Variants in ARHGAP24 observed in about 807,000 individuals in gnomAD.
ARHGAP24 encodes the protein rho GTPase-activating protein 24.
In ARHGAP24, 50 loss-of-function variants were observed where a neutral mutation model predicts 76.4. That is an observed-to-expected ratio of 0.65 (90% CI 0.52 to 0.83). The LOEUF (loss-of-function observed/expected upper bound fraction) is 0.83. Ranked by LOEUF, ARHGAP24 falls within the 40% of genes least tolerant of loss-of-function variation. The pLI is 0.00. For synonymous variants in ARHGAP24, 345 were observed against 323.3 expected (o/e 1.07, Z -0.72); for missense variants, 930 against 914.2 (o/e 1.02, Z -0.22).
At chr4:85,494,996 G>A (rs1723505207) in intron 1 of ARHGAP24, among the ~76,000 whole-genome samples, 1 of 151,064 alleles carries the variant, frequency 6.6e-6, no homozygotes, top group South Asian at 2.1e-4. Flanking sequence ...TACTCGAGAG[G>A]CTGAGGTAGA....
At chr4:85,682,188 G>C (rs559218625) in intron 2 of ARHGAP24, among the ~76,000 whole-genome samples, 67 of 152,296 alleles carry the variant, frequency 4.4e-4, no homozygotes, top group Non-Finnish European at 4.0e-4. Context: ...GCAATCCACT[G>C]CCATTGCGTT....
intron 3 of ARHGAP24, among the ~76,000 whole-genome samples, chr4:85,729,008 C>T (rs1210219200): frequency 1.3e-5 from 2 of 152,132 alleles, no homozygotes; most frequent in Non-Finnish European, 2.9e-5. Context: ...AAATATGCTG[C>T]TTAGGCATTT....
intron 2 of ARHGAP24, among the ~76,000 whole-genome samples, chr4:85,637,517 A>C (rs946795384): frequency 6.6e-6 from 1 of 152,098 alleles, no homozygotes; most frequent in East Asian, 1.9e-4. Flanking sequence ...GCCAATAGCC[A>C]TACATTGTAA....
At chr4:85,988,167 A>G (rs1740114368) in intron 8 of ARHGAP24, among the ~76,000 whole-genome samples, 1 of 151,926 alleles carries the variant, frequency 6.6e-6, no homozygotes, top group South Asian at 2.1e-4. Context: ...CTTGTACTAC[A>G]AGAAACGTTA....
At chr4:85,982,257 CAT>C (rs1321345854) in intron 8 of ARHGAP24, among the ~76,000 whole-genome samples, 2 of 151,900 alleles carry the variant, frequency 1.3e-5, no homozygotes, top group African/African-American at 4.8e-5. Flanking sequence ...TTAAAAATTG[CAT>C]AGTGTCCCCC....
chr4:85,532,115 T>C (rs1461202031), intron 1 of ARHGAP24, among the ~76,000 whole-genome samples: 1 of 152,130 alleles, frequency 6.6e-6, no homozygotes, highest in Non-Finnish European at 1.5e-5. Flanking sequence ...AGATAATGGA[T>C]GCTGCTGTTT....
intron 3 of ARHGAP24, among the ~76,000 whole-genome samples, chr4:85,808,133 C>T (rs1728869694): frequency 6.6e-6 from 1 of 152,022 alleles, no homozygotes; most frequent in South Asian, 2.1e-4. Context: ...TTTTATTTTT[C>T]TCCCAATTCG....
chr4:85,894,074 A>C (rs1302701770), intron 3 of ARHGAP24, among the ~76,000 whole-genome samples: 1 of 135,162 alleles, frequency 7.4e-6, no homozygotes, highest in Non-Finnish European at 1.5e-5. Context: ...CAATGTGCAC[A>C]TGTACCCTAA....
At chr4:85,955,576 C>T (rs948524826) in intron 5 of ARHGAP24, among the ~76,000 whole-genome samples, 3 of 152,184 alleles carry the variant, frequency 2.0e-5, no homozygotes, top group African/African-American at 4.8e-5. Flanking sequence ...TAACTCCAAC[C>T]TCTGCCCCCA....
chr4:85,616,402 CTT>C (rs989173038), intron 2 of ARHGAP24, among the ~76,000 whole-genome samples: 5 of 152,114 alleles, frequency 3.3e-5, no homozygotes, highest in East Asian at 1.9e-4. Flanking sequence ...ATTTTAATAA[CTT>C]ATGATGATCT....
chr4:85,798,277 T>G lies in ARHGAP24; in HGVS notation c.268+76305T>G, dbSNP rs62315358. On this transcript the variant is annotated intron_variant, in intron 3 of 9. Transcript: ENST00000395184. ...AAGGCATTATGCTCAGTGAAAAGCA[T>G]ATCTCAAATGGCAACCTACAGAATG... 5.8e-3 allele frequency among the ~76,000 whole-genome samples: 886 copies of G among 152,336 alleles called. 2 individuals are homozygous for G. Among genetic ancestry groups the G allele is most frequent in the Non-Finnish European group, 9.1e-3 (617 of 68,030 alleles).
At chr4:85,610,994 T>C (rs1720362364) in intron 2 of ARHGAP24, among the ~76,000 whole-genome samples, 1 of 152,180 alleles carries the variant, frequency 6.6e-6, no homozygotes, top group Non-Finnish European at 1.5e-5. Flanking sequence ...AGAGGATGTT[T>C]ATTGTTAAAG....
intron 2 of ARHGAP24, among the ~76,000 whole-genome samples, chr4:85,665,656 T>A (rs1578123433): frequency 1.3e-5 from 2 of 152,172 alleles, no homozygotes; most frequent in South Asian, 4.1e-4. Context: ...CTGGTACCGG[T>A]TTTTCCTTTC....
intron 2 of ARHGAP24, among the ~76,000 whole-genome samples, chr4:85,662,900 A>G (rs1319521934): frequency 1.3e-5 from 2 of 152,110 alleles, no homozygotes; most frequent in African/African-American, 2.4e-5. Flanking sequence ...TACCAGTACC[A>G]TGCTGTTTTG....
At chr4:85,531,478 A>C (rs546639585) in intron 1 of ARHGAP24, among the ~76,000 whole-genome samples, 13 of 152,100 alleles carry the variant, frequency 8.5e-5, no homozygotes, top group Non-Finnish European at 1.8e-4. Context: ...GGGACACCTT[A>C]TTTTCAGTTT....
chr4:85,840,610 T>C (rs940284743), intron 3 of ARHGAP24, among the ~76,000 whole-genome samples: 1 of 152,226 alleles, frequency 6.6e-6, no homozygotes, highest in African/African-American at 2.4e-5. Flanking sequence ...TTGGCTCTCA[T>C]AGCTTTGGTT....
intron 2 of ARHGAP24, among the ~76,000 whole-genome samples, chr4:85,616,046 C>T (rs1215894103): frequency 6.6e-6 from 1 of 152,148 alleles, no homozygotes; most frequent in Non-Finnish European, 1.5e-5. Context: ...TTATATGCCT[C>T]AAAGCAGATC....
At chr4:85,487,767 A>T (rs1560505718) in intron 1 of ARHGAP24, among the ~76,000 whole-genome samples, 1 of 105,226 alleles carries the variant, frequency 9.5e-6, no homozygotes, top group African/African-American at 4.0e-5. Flanking sequence ...TATATTATAT[A>T]ATATATATTT....
At chr4:85,976,897 C>T (rs968887870) in intron 7 of ARHGAP24, among the ~76,000 whole-genome samples, 1 of 151,868 alleles carries the variant, frequency 6.6e-6, no homozygotes, top group Non-Finnish European at 1.5e-5. Flanking sequence ...ATTCTCCTGC[C>T]TCAGCCTCCC....
Sources: allele counts gnomAD v4.1 joint callset (sites outside exome capture counted in the v4.1 genomes callset), GRCh38; gene constraint gnomAD v4.1.1; transcripts MANE v1.5; gene names NCBI Gene and HGNC (gene_info 2026-07-23, HGNC 2026-07-21).